Variants in TYW1 observed in about 807,000 individuals in gnomAD.
TYW1 encodes the protein S-adenosyl-L-methionine-dependent tRNA 4-demethylwyosine synthase TYW1.
TYW1 carries 46 observed loss-of-function variants against 96.2 expected under a neutral mutation model. That is an observed-to-expected ratio of 0.48 (90% confidence interval 0.38 to 0.61). The LOEUF (loss-of-function observed/expected upper bound fraction) is 0.61, where lower values mean the gene tolerates loss of function less well. TYW1 is among the 20% of genes least tolerant of loss of function. The probability of loss-of-function intolerance (pLI) is 0.00; values close to 1 mark genes in which losing one functional copy is unlikely to be tolerated. For synonymous variants in TYW1, 274 were observed against 323.0 expected, an observed-to-expected ratio of 0.85 and a Z score of 1.63; for missense variants, 684 against 909.6, an observed-to-expected ratio of 0.75 and a Z score of 3.19.
chr7:67,023,587 G>C (rs1794350764), intron 6 of TYW1, among the ~76,000 whole-genome samples: 1 of 151,982 alleles, frequency 6.6e-6, no homozygotes, highest in East Asian at 1.9e-4. Flanking sequence ...GGCTGACATG[G>C]TGAAACCCTG....
chr7:67,010,833 TG>T (rs999555070), intron 4 of TYW1, among the ~76,000 whole-genome samples: 24 of 152,220 alleles, frequency 1.6e-4, no homozygotes, highest in African/African-American at 4.3e-4. Context: ...CTCGAACTCC[TG>T]GCCTCAGTCT....
chr7:67,194,181 G>A (rs1800313438), intron 14 of TYW1, among the ~76,000 whole-genome samples: 2 of 152,090 alleles, frequency 1.3e-5, no homozygotes, highest in South Asian at 2.1e-4. Flanking sequence ...ACTTTCTGCA[G>A]TTGTACTTAA....
chr7:67,157,241 T>C (rs1460433271), intron 13 of TYW1, among the ~76,000 whole-genome samples: 1 of 152,220 alleles, frequency 6.6e-6, no homozygotes, highest in East Asian at 1.9e-4. Flanking sequence ...TTGTTAACGT[T>C]TTACATTACT....
At chr7:67,193,100 T>A (rs1800274117) in intron 14 of TYW1, among the ~76,000 whole-genome samples, 1 of 152,202 alleles carries the variant, frequency 6.6e-6, no homozygotes, top group South Asian at 2.1e-4. Context: ...TTTTTAAATC[T>A]CACAAGCAGA....
At chr7:67,129,872 A>G (rs1454739541) in intron 13 of TYW1, among the ~76,000 whole-genome samples, 1 of 152,136 alleles carries the variant, frequency 6.6e-6, no homozygotes, top group Non-Finnish European at 1.5e-5. Context: ...TTTAAATCTC[A>G]ACTCTTTAAT....
intron 3 of TYW1, among the ~76,000 whole-genome samples, 196 bp from the exon 4 acceptor site, chr7:67,009,387 A>C: frequency 6.6e-6 from 1 of 152,202 alleles, no homozygotes; most frequent in East Asian, 1.9e-4. Context: ...GGTGAGAACA[A>C]CACAAATGAA....
At chr7:67,128,003 CT>C (rs1485241445) in intron 13 of TYW1, among the ~76,000 whole-genome samples, 2 of 152,054 alleles carry the variant, frequency 1.3e-5, no homozygotes, top group Non-Finnish European at 2.9e-5. Flanking sequence ...TGGTTTGAAA[CT>C]TACATGCTTA....
At chr7:67,096,442 C>A (rs1796918490) in intron 11 of TYW1, among the ~76,000 whole-genome samples, 1 of 152,120 alleles carries the variant, frequency 6.6e-6, no homozygotes, top group South Asian at 2.1e-4. Context: ...TAGGAGAAGA[C>A]ACATGAACAC....
rs191071322 is a variant in TYW1 at position 67,061,765 on chromosome 7, G to T, written c.1156-5520G>T. Among the ~76,000 whole-genome samples, 189 of 152,254 alleles carry T rather than the reference G, an allele frequency of 1.2e-3. 1 individual carries two copies. The highest frequency in any genetic ancestry group is 3.0e-3 in the African/African-American group (124 of 41,548). The stretch of plus-strand genomic sequence containing the variant: ...GTGAATTTTGGGAGGAATCCAATAG[G>T]GAGGAAAAGCAAATGGTTCCATCTT... On this transcript the variant is annotated intron_variant, in intron 9 of 15. Transcript: ENST00000359626.
intron 13 of TYW1, among the ~76,000 whole-genome samples, chr7:67,154,220 C>T (rs761044779): frequency 6.6e-6 from 1 of 152,130 alleles, no homozygotes; most frequent in Non-Finnish European, 1.5e-5. Context: ...CCGCGCCTGG[C>T]CCATTTAACG....
At chr7:66,997,260 T>C (rs1793200533) in intron 1 of TYW1, among the ~76,000 whole-genome samples, 1 of 152,126 alleles carries the variant, frequency 6.6e-6, no homozygotes, top group East Asian at 1.9e-4. Context: ...ATTTCAGGCC[T>C]CGACTTTTGA....
chr7:67,105,104 C>T (rs537875776), intron 12 of TYW1, among the ~76,000 whole-genome samples: 143 of 152,374 alleles, frequency 9.4e-4, no homozygotes, highest in Middle Eastern at 3.4e-3. Flanking sequence ...CCCCATTGCA[C>T]GAGCATCTTT....
chr7:67,004,085 G>A (rs372309493), intron 3 of TYW1, among the ~76,000 whole-genome samples: 5 of 152,036 alleles, frequency 3.3e-5, no homozygotes, highest in African/African-American at 1.2e-4. Context: ...CAATCTAAGT[G>A]TGCGAATTCT....
chr7:67,084,509 CT>C (rs888126238), intron 11 of TYW1, among the ~76,000 whole-genome samples: 6 of 149,548 alleles, frequency 4.0e-5, no homozygotes, highest in African/African-American at 1.2e-4. Context: ...CAAGAGTATG[CT>C]TTTTTTTCTT....
intron 13 of TYW1, among the ~76,000 whole-genome samples, chr7:67,118,723 GTC>G (rs1201189209): frequency 4.0e-5 from 6 of 151,248 alleles, no homozygotes; most frequent in Non-Finnish European, 4.4e-5. Context: ...GCAAAACCCC[GTC>G]TCTACCAAAA....
chr7:67,015,149 C>T (rs532785686), intron 5 of TYW1, among the ~76,000 whole-genome samples: 2 of 151,574 alleles, frequency 1.3e-5, no homozygotes, highest in Non-Finnish European at 2.9e-5. Context: ...TTACAGGCAC[C>T]CACCACCATG....
At chr7:67,043,237 G>C (rs1369861769) in intron 7 of TYW1, among the ~76,000 whole-genome samples, 1 of 152,094 alleles carries the variant, frequency 6.6e-6, no homozygotes, top group Non-Finnish European at 1.5e-5. Context: ...GGGAGGAGTG[G>C]TTCTCAGAAG....
intron 7 of TYW1, among the ~76,000 whole-genome samples, chr7:67,040,108 C>T (rs1398292837): frequency 1.3e-5 from 2 of 152,004 alleles, no homozygotes; most frequent in African/African-American, 4.8e-5. Flanking sequence ...AGGCATGTGC[C>T]ACCATGCCTG....
chr7:67,152,470 C>T (rs1460314978), intron 13 of TYW1, among the ~76,000 whole-genome samples: 1 of 152,140 alleles, frequency 6.6e-6, no homozygotes, highest in Non-Finnish European at 1.5e-5. Flanking sequence ...ATCTTCCCCT[C>T]ATCTTTTGAC....
Sources: gnomAD v4.1 joint callset for allele counts (sites outside exome capture counted in the v4.1 genomes callset) on GRCh38, gnomAD v4.1.1 for gene constraint, MANE v1.5 for transcripts, NCBI Gene and HGNC (gene_info 2026-07-23, HGNC 2026-07-21) for gene names.